Variants in SLC22A3 observed in about 807,000 individuals in gnomAD.
SLC22A3 encodes EMT organic cation transporter 3.
A neutral mutation model predicts 59.1 loss-of-function variants in SLC22A3; 51 were observed. The observed-to-expected ratio is 0.86, with a 90% CI of 0.69 to 1.09. SLC22A3 has a LOEUF of 1.09. Among genes scored for constraint, SLC22A3 ranks in the 50% least tolerant of loss-of-function variants. The probability of loss-of-function intolerance (pLI) is 0.00; values close to 1 mark genes in which losing one functional copy is unlikely to be tolerated. For missense variants in SLC22A3, 711 were observed against 726.3 expected, an observed-to-expected ratio of 0.98 and a Z score of 0.24; for synonymous variants, 325 against 292.0, an observed-to-expected ratio of 1.11 and a Z score of -1.15.
intron 1 of SLC22A3, among the ~76,000 whole-genome samples, chr6:160,385,604 A>G (rs1785973653): frequency 6.6e-6 from 1 of 152,136 alleles, no homozygotes; most frequent in Non-Finnish European, 1.5e-5. Context: ...CCTCGGCCCT[A>G]CTGTGCGCAG....
intron 1 of SLC22A3, among the ~76,000 whole-genome samples, chr6:160,362,075 TC>T (rs1554266849): frequency 6.6e-6 from 1 of 152,180 alleles, no homozygotes; most frequent in Non-Finnish European, 1.5e-5. Flanking sequence ...ACCCAAGCCT[TC>T]CCAGGAGCTG....
At chr6:160,367,264 G>T (rs1451000964) in intron 1 of SLC22A3, among the ~76,000 whole-genome samples, 1 of 152,052 alleles carries the variant, frequency 6.6e-6, no homozygotes, top group Non-Finnish European at 1.5e-5. Context: ...GAGCAGAAGG[G>T]GGAAAAGCTC....
At chr6:160,395,930 T>C (rs1445939707) in intron 1 of SLC22A3, among the ~76,000 whole-genome samples, 2 of 152,242 alleles carry the variant, frequency 1.3e-5, no homozygotes, top group East Asian at 1.9e-4. Flanking sequence ...TTTCTCTTCA[T>C]GCTAGAGTCT....
At chr6:160,402,561 C>G (rs897751409) in intron 2 of SLC22A3, among the ~76,000 whole-genome samples, 14 of 151,848 alleles carry the variant, frequency 9.2e-5, no homozygotes, top group African/African-American at 3.4e-4. Flanking sequence ...TTTAGACAAC[C>G]TTATCTAACA....
intron 10 of SLC22A3, 92 bp from the exon 11 acceptor site, chr6:160,450,904 C>A: frequency 8.2e-7 from 1 of 1,221,944 alleles, no homozygotes; most frequent in Non-Finnish European, 1.2e-6. Flanking sequence ...TGTATTTGAT[C>A]AAAACCAGCT....
chr6:160,355,804 C>G (rs1374013975), intron 1 of SLC22A3, among the ~76,000 whole-genome samples: 1 of 151,514 alleles, frequency 6.6e-6, no homozygotes, highest in Non-Finnish European at 1.5e-5. Flanking sequence ...CAACAAAAAA[C>G]TTGTCTTTTC....
intron 2 of SLC22A3, among the ~76,000 whole-genome samples, chr6:160,398,809 A>T (rs773544062): frequency 3.9e-5 from 6 of 152,194 alleles, no homozygotes; most frequent in Non-Finnish European, 7.3e-5. Flanking sequence ...GAGTAATAGG[A>T]ATATAGACTG....
intron 5 of SLC22A3, among the ~76,000 whole-genome samples, chr6:160,424,441 T>C (rs953070353): frequency 2.6e-5 from 4 of 152,214 alleles, no homozygotes; most frequent in Non-Finnish European, 4.4e-5. Context: ...TTGACATTAA[T>C]CAGACATCCT....
intron 1 of SLC22A3, among the ~76,000 whole-genome samples, chr6:160,355,231 C>T (rs981390285): frequency 6.6e-6 from 1 of 152,174 alleles, no homozygotes; most frequent in African/African-American, 2.4e-5. Flanking sequence ...GCACAGGTCA[C>T]GAGGCTGTGG....
intron 5 of SLC22A3, among the ~76,000 whole-genome samples, chr6:160,430,810 C>T (rs1402935226): frequency 6.6e-6 from 1 of 152,200 alleles, no homozygotes; most frequent in East Asian, 1.9e-4. Flanking sequence ...CCCATTTAGA[C>T]AGCATAAAAG....
chr6:160,444,485 C>T (rs919775315), intron 9 of SLC22A3, among the ~76,000 whole-genome samples: 1 of 152,190 alleles, frequency 6.6e-6, no homozygotes, highest in African/African-American at 2.4e-5. Context: ...GCAGGTGACA[C>T]AGGATCCCGG....
intron 2 of SLC22A3, among the ~76,000 whole-genome samples, chr6:160,400,217 G>A (rs757236587): frequency 1.0e-4 from 15 of 149,968 alleles, no homozygotes; most frequent in Non-Finnish European, 1.5e-4. Flanking sequence ...CCAGAATATC[G>A]TTCTTAACAA....
At chr6:160,397,821 G>A (rs990109249) in intron 1 of SLC22A3, among the ~76,000 whole-genome samples, 158 bp from the exon 2 acceptor site, 1 of 151,898 alleles carries the variant, frequency 6.6e-6, no homozygotes, top group Non-Finnish European at 1.5e-5. Flanking sequence ...GGATATTTAT[G>A]TGTTAATGTA....
intron 5 of SLC22A3, among the ~76,000 whole-genome samples, chr6:160,427,094 C>A (rs1787989480): frequency 1.3e-5 from 2 of 152,036 alleles, no homozygotes; most frequent in Admixed American, 1.3e-4. Flanking sequence ...CAGGCAGGGA[C>A]CAGGTCAGAG....
rs191070094 is a variant in SLC22A3, at chr6:160,444,291, T to C, written c.1510+549T>C. Among the ~76,000 whole-genome samples the C allele has an allele frequency of 3.3e-5, 5 of 152,188 alleles. No homozygotes were observed. The East Asian group carries it at 9.6e-4, about 29-fold the overall frequency. ...GATGCTGAGGCAGGAGGATCAAGGCTGCAGTGAGCTATGGTCACGCCATTG... is the reference window on the plus strand; with the variant it reads ...GATGCTGAGGCAGGAGGATCAAGGCCGCAGTGAGCTATGGTCACGCCATTG... On this transcript the variant is annotated intron_variant, in intron 9 of 10. Transcript: ENST00000275300.
intron 5 of SLC22A3, among the ~76,000 whole-genome samples, chr6:160,427,984 T>C (rs1352476447): frequency 6.6e-6 from 1 of 152,228 alleles, no homozygotes; most frequent in Non-Finnish European, 1.5e-5. Context: ...GCATATTCCC[T>C]TAATTTCTGA....
chr6:160,357,340 T>G (rs1025802183), intron 1 of SLC22A3, among the ~76,000 whole-genome samples: 1 of 152,192 alleles, frequency 6.6e-6, no homozygotes, highest in Non-Finnish European at 1.5e-5. Flanking sequence ...CCTTTCCCAG[T>G]TGCTGCGTCC....
At chr6:160,437,514 TG>T (rs1788389729) in intron 7 of SLC22A3, among the ~76,000 whole-genome samples, 1 of 152,250 alleles carries the variant, frequency 6.6e-6, no homozygotes, top group African/African-American at 2.4e-5. Context: ...GTGATATCTC[TG>T]ATGTTTAACT....
intron 1 of SLC22A3, among the ~76,000 whole-genome samples, chr6:160,382,586 T>C (rs770869463): frequency 6.6e-5 from 10 of 152,204 alleles, no homozygotes; most frequent in Non-Finnish European, 1.5e-4. Context: ...GTGACTATTA[T>C]CTACTAGCTT....
Sources: gnomAD v4.1 joint callset for allele counts (sites outside exome capture counted in the v4.1 genomes callset) on GRCh38, gnomAD v4.1.1 for gene constraint, MANE v1.5 for transcripts, NCBI Gene and HGNC (gene_info 2026-07-23, HGNC 2026-07-21) for gene names.